SNX24: variants seen among roughly 807,000 people sequenced by gnomAD.
The protein encoded by SNX24 is sorting nexin-24.
A neutral mutation model predicts 28.7 loss-of-function variants in SNX24; 22 were observed. The observed-to-expected ratio is 0.77, with a 90% CI of 0.55 to 1.10. The LOEUF (loss-of-function observed/expected upper bound fraction) is 1.10, where lower values mean the gene tolerates loss of function less well. Among genes scored for constraint, SNX24 ranks in the 50% least tolerant of loss-of-function variants. The pLI, the probability that SNX24 is intolerant of heterozygous loss-of-function variation, is 0.00. For missense variants in SNX24, 221 were observed against 201.1 expected (o/e 1.10, Z -0.60); for synonymous variants, 69 against 71.5 (o/e 0.96, Z 0.18).
intron 1 of SNX24, among the ~76,000 whole-genome samples, chr5:122,862,369 A>G (rs1755501512): frequency 6.6e-6 from 1 of 152,106 alleles, no homozygotes; most frequent in Non-Finnish European, 1.5e-5. Flanking sequence ...TAATCCCAGC[A>G]CTTTGGGAGG....
chr5:122,984,119 T>G (rs1190068987), intron 3 of SNX24, among the ~76,000 whole-genome samples: 1 of 152,194 alleles, frequency 6.6e-6, no homozygotes, highest in African/African-American at 2.4e-5. Context: ...CCATCACTCT[T>G]CTCTCTGTAG....
intron 1 of SNX24, among the ~76,000 whole-genome samples, chr5:122,873,119 C>A (rs1206468116): frequency 6.6e-6 from 1 of 152,036 alleles, no homozygotes; most frequent in African/African-American, 2.4e-5. Flanking sequence ...GGCACCACAC[C>A]ACCATGCCTG....
intron 2 of SNX24, among the ~76,000 whole-genome samples, chr5:122,941,439 G>A (rs937327682): frequency 2.0e-5 from 3 of 152,044 alleles, no homozygotes; most frequent in Admixed American, 1.3e-4. Flanking sequence ...TTGCCATGTC[G>A]AATGTCTTTT....
chr5:122,936,288 T>G (rs1195959555), intron 1 of SNX24, among the ~76,000 whole-genome samples: 1 of 152,168 alleles, frequency 6.6e-6, no homozygotes, highest in Non-Finnish European at 1.5e-5. Flanking sequence ...CACTGCTGTT[T>G]GCATGATTGT....
intron 1 of SNX24, among the ~76,000 whole-genome samples, chr5:122,895,705 C>T (rs1581717593): frequency 2.0e-5 from 3 of 152,242 alleles, no homozygotes; most frequent in East Asian, 3.8e-4. Flanking sequence ...GTCCCTGCCA[C>T]CCTCACCATG....
Position 122,870,656 on chromosome 5 carries a change from A to G in SNX24, c.60+24963A>G, listed in dbSNP as rs539257501. On this transcript the variant is annotated intron_variant, in intron 1 of 6. Coordinates refer to ENST00000261369, the MANE Select transcript of SNX24 (RefSeq NM_014035.4). ...TGCATGTGGAATGAATCATCCAATC[A>G]TAGGAATGATTCTTTAGGACAGAGG... Among the ~76,000 whole-genome samples, 3 of 152,350 alleles carry G rather than the reference A, an allele frequency of 2.0e-5. No individual in the cohort carries two copies. In the East Asian group the frequency reaches 5.8e-4, roughly 29 times the overall value.
At chr5:123,019,744 G>A (rs1444028982) in intron 5 of SNX24, among the ~76,000 whole-genome samples, 5 of 152,140 alleles carry the variant, frequency 3.3e-5, no homozygotes, top group African/African-American at 9.7e-5. Flanking sequence ...TTCCACATCC[G>A]CCCACAACTA....
chr5:122,921,607 C>T (rs566162025), intron 1 of SNX24, among the ~76,000 whole-genome samples: 3 of 137,950 alleles, frequency 2.2e-5, no homozygotes, highest in South Asian at 5.0e-4. Context: ...AAGTCTAATA[C>T]ATGAAACCTA....
chr5:122,925,266 TC>T (rs1249500867), intron 1 of SNX24, among the ~76,000 whole-genome samples: 4 of 110,948 alleles, frequency 3.6e-5, no homozygotes, highest in Admixed American at 3.3e-4. Flanking sequence ...TTCCTTCCCC[TC>T]CCCCTTCTCC....
chr5:122,997,018 T>C (rs1762074262), intron 3 of SNX24, among the ~76,000 whole-genome samples: 1 of 152,166 alleles, frequency 6.6e-6, no homozygotes, highest in Admixed American at 6.5e-5. Flanking sequence ...AGTTGTGAGG[T>C]CCAGCCTTAC....
chr5:122,862,249 A>G (rs1755493616), intron 1 of SNX24, among the ~76,000 whole-genome samples: 1 of 152,182 alleles, frequency 6.6e-6, no homozygotes, highest in Non-Finnish European at 1.5e-5. Context: ...GGAAGCAGCC[A>G]TGAGTAGGGA....
At chr5:122,990,609 C>T (rs1761801056) in intron 3 of SNX24, among the ~76,000 whole-genome samples, 1 of 152,202 alleles carries the variant, frequency 6.6e-6, no homozygotes. Flanking sequence ...TTCATCAACA[C>T]ATATGGGCTG....
At chr5:122,894,577 G>A (rs541024327) in intron 1 of SNX24, among the ~76,000 whole-genome samples, 10 of 152,142 alleles carry the variant, frequency 6.6e-5, no homozygotes, top group African/African-American at 1.2e-4. Flanking sequence ...GTTTTTCAGC[G>A]TTTTTCTCTT....
At chr5:122,975,976 C>G (rs1761145707) in intron 3 of SNX24, among the ~76,000 whole-genome samples, 1 of 152,076 alleles carries the variant, frequency 6.6e-6, no homozygotes, top group Non-Finnish European at 1.5e-5. Context: ...TTTGGCCGTG[C>G]TGTATGTAAG....
intron 1 of SNX24, among the ~76,000 whole-genome samples, chr5:122,936,490 T>TA (rs950459114): frequency 2.0e-5 from 3 of 152,180 alleles, no homozygotes; most frequent in African/African-American, 7.2e-5. Context: ...GGTTTTTTTT[T>TA]ATGCATTTAA....
At chr5:122,853,055 G>GC (rs1309654408) in intron 1 of SNX24, among the ~76,000 whole-genome samples, 1 of 145,596 alleles carries the variant, frequency 6.9e-6, no homozygotes, top group African/African-American at 2.5e-5. Context: ...CATAGCAGAA[G>GC]CCCACATTAA....
chr5:122,965,059 A>C (rs1002978208), intron 3 of SNX24, among the ~76,000 whole-genome samples: 1 of 152,184 alleles, frequency 6.6e-6, no homozygotes, highest in Non-Finnish European at 1.5e-5. Context: ...GAAAGTGTGC[A>C]AACTAAGCAA....
At position 122,852,653 on chromosome 5, in the gene SNX24, G is replaced by C. The variant is rs115990819; in HGVS notation, c.60+6960G>C. On this transcript the variant is annotated intron_variant, in intron 1 of 6. Transcript: ENST00000261369. ...CCACCATGCCCAGCCGCATTTAATA[G>C]TAAGGACACTTTTCTCCCTAGAACC... Among the ~76,000 whole-genome samples, 1,085 of 152,196 alleles carry C rather than the reference G, an allele frequency of 7.1e-3. 15 individuals carry two copies. Among genetic ancestry groups the C allele is most frequent in the African/African-American group, 0.025 (1,039 of 41,518 alleles).
chr5:122,916,745 A>G (rs1333461166), intron 1 of SNX24, among the ~76,000 whole-genome samples: 2 of 152,168 alleles, frequency 1.3e-5, no homozygotes, highest in African/African-American at 4.8e-5. Flanking sequence ...CTGACCAGAG[A>G]CTAGGTTGAA....
Sources: gnomAD v4.1 joint callset for allele counts (sites outside exome capture counted in the v4.1 genomes callset) on GRCh38, gnomAD v4.1.1 for gene constraint, MANE v1.5 for transcripts, NCBI Gene and HGNC (gene_info 2026-07-23, HGNC 2026-07-21) for gene names.